The following CCDC102B variants were observed in gnomAD, a reference collection of about 807,000 sequenced individuals.
CCDC102B encodes the protein coiled-coil domain containing 102B.
Under a neutral mutation model 57.4 loss-of-function variants are expected in CCDC102B, and 75 were observed. That is an observed-to-expected ratio of 1.31 (90% CI 1.08 to 1.58). The LOEUF is 1.58. Among genes scored for constraint, CCDC102B ranks in the 40% most tolerant of loss-of-function variants. CCDC102B has a pLI of 0.00. For missense variants in CCDC102B, 636 were observed against 582.6 expected (o/e 1.09, Z -0.94); for synonymous variants, 206 against 201.9 (o/e 1.02, Z -0.17).
intron 6 of CCDC102B, among the ~76,000 whole-genome samples, chr18:68,937,399 A>C (rs1399144142): frequency 6.6e-6 from 1 of 152,084 alleles, no homozygotes; most frequent in Admixed American, 6.6e-5. Context: ...AAACGTGGTC[A>C]TCCATCTGGA....
At chr18:69,015,029 GA>G (rs1019502838) in intron 7 of CCDC102B, among the ~76,000 whole-genome samples, 2 of 151,144 alleles carry the variant, frequency 1.3e-5, no homozygotes, top group Non-Finnish European at 3.0e-5. Flanking sequence ...AAGAGAGAGA[GA>G]AAAAAAATTT....
At chr18:68,894,879 T>C (rs2040192475) in intron 5 of CCDC102B, among the ~76,000 whole-genome samples, 2 of 151,924 alleles carry the variant, frequency 1.3e-5, no homozygotes, top group Non-Finnish European at 2.9e-5. Context: ...GTATTACTTA[T>C]TTAAAACCTT....
intron 2 of CCDC102B, among the ~76,000 whole-genome samples, chr18:68,745,766 C>T (rs2033595832): frequency 6.6e-6 from 1 of 152,162 alleles, no homozygotes; most frequent in Non-Finnish European, 1.5e-5. Context: ...CTAGTAACCA[C>T]GATTTTCCTT....
intron 6 of CCDC102B, among the ~76,000 whole-genome samples, chr18:68,910,523 T>C (rs2030998301): frequency 1.3e-5 from 2 of 152,178 alleles, no homozygotes; most frequent in African/African-American, 4.8e-5. Context: ...GTTTTAATAA[T>C]TGATCACAGA....
chr18:68,945,455 C>T lies in CCDC102B; in HGVS notation c.1263+48027C>T, dbSNP rs988747639. 2.0e-5 allele frequency among the ~76,000 whole-genome samples: 3 copies of T among 152,046 alleles called. 1 individual carries two copies. Among genetic ancestry groups the T allele is most frequent in the South Asian group, 4.1e-4 (2 of 4,832 alleles). ...TTTAAAAATATATCTATATTCTCTA[C>T]GCCTGCCTATGATATAAAAATAGGT... On this transcript the variant is annotated intron_variant, in intron 6 of 7. Coordinates refer to ENST00000360242, the MANE Select transcript of CCDC102B (RefSeq NM_024781.3).
Position 68,836,773 on chromosome 18 carries a change from G to C in CCDC102B, c.10G>C (p.Asp4His). 1 of 1,610,386 alleles carries C rather than the reference G, an allele frequency of 6.2e-7. No individual in the cohort carries two copies. The highest frequency in any genetic ancestry group is 8.5e-7 in the Non-Finnish European group (1 of 1,178,720). Residue 4 changes from aspartate to histidine, a missense_variant, in exon 2 of 8, where the codon GAT (aspartate) becomes CAT (histidine). Asp to His is a moderately conservative substitution (Grantham distance 81). Coordinates refer to ENST00000360242, the MANE Select transcript of CCDC102B (RefSeq NM_024781.3). MNLDSIHRLIEETQ... is the reference protein window; with the variant it reads MNLHSIHRLIEETQ... ...GGTCTTAAAAATAAATATGAATTTA[G>C]ATTCCATACATCGATTAATTGAGGA...
intron 2 of CCDC102B, among the ~76,000 whole-genome samples, chr18:68,729,000 T>C (rs2032735205): frequency 6.6e-6 from 1 of 152,134 alleles, no homozygotes; most frequent in Non-Finnish European, 1.5e-5. Flanking sequence ...TCATGCAAAT[T>C]ATAAGCATTA....
chr18:68,954,160 A>G (rs1397540462), intron 6 of CCDC102B, among the ~76,000 whole-genome samples: 1 of 152,080 alleles, frequency 6.6e-6, no homozygotes, highest in African/African-American at 2.4e-5. Flanking sequence ...GGCTAAGCCT[A>G]TATAATCCTA....
chr18:69,017,809 G>T (rs913260137), intron 7 of CCDC102B, among the ~76,000 whole-genome samples: 12 of 152,034 alleles, frequency 7.9e-5, no homozygotes. Flanking sequence ...CCTGCCCCCT[G>T]CCCCGGGTAA....
At chr18:68,866,868 C>G (rs1268964665) in intron 4 of CCDC102B, 5 of 673,594 alleles carry the variant, frequency 7.4e-6, no homozygotes, top group Non-Finnish European at 1.4e-5. Flanking sequence ...ACCACAGCTA[C>G]ATTGGCACTC....
intron 6 of CCDC102B, among the ~76,000 whole-genome samples, chr18:68,927,554 A>G (rs980467736): frequency 6.6e-6 from 1 of 152,010 alleles, no homozygotes; most frequent in Non-Finnish European, 1.5e-5. Context: ...GAAGACGCCA[A>G]ATAATTCCTA....
chr18:69,056,730 C>T (rs903635295), downstream of CCDC102B, among the ~76,000 whole-genome samples: 29 of 151,782 alleles, frequency 1.9e-4, no homozygotes, highest in African/African-American at 4.1e-4. Flanking sequence ...GACAGACAGA[C>T]GATCAATAGA....
intron 6 of CCDC102B, among the ~76,000 whole-genome samples, chr18:68,904,729 AT>A: frequency 6.6e-6 from 1 of 152,306 alleles, no homozygotes; most frequent in South Asian, 2.1e-4. Context: ...TACCAATCTA[AT>A]TCTAAAATAG....
intron 2 of CCDC102B, among the ~76,000 whole-genome samples, chr18:68,837,972 AAAAAT>A (rs1380706328): frequency 6.6e-5 from 10 of 152,228 alleles, no homozygotes; most frequent in Non-Finnish European, 1.0e-4. Context: ...ATACTACTTA[AAAAAT>A]AAAATAAAAG....
intron 6 of CCDC102B, among the ~76,000 whole-genome samples, chr18:69,003,137 A>T (rs2051250905): frequency 6.6e-6 from 1 of 152,214 alleles, no homozygotes; most frequent in Non-Finnish European, 1.5e-5. Context: ...TTAGGTCTAT[A>T]TAACTCCGGA....
At chr18:68,927,430 T>C (rs1428868968) in intron 6 of CCDC102B, among the ~76,000 whole-genome samples, 1 of 151,946 alleles carries the variant, frequency 6.6e-6, no homozygotes, top group East Asian at 1.9e-4. Context: ...TTCTGTCCCG[T>C]AGAGTGTAGA....
chr18:68,854,352 G>A lies in CCDC102B; in HGVS notation c.936+7931G>A, dbSNP rs150282046. ...CGACCTCAGGTGACCCGCCTGCCTC[G>A]GCCTCCCAAAGGGCAGGGATTACAG... On this transcript the variant is annotated intron_variant, in intron 4 of 7. Coordinates refer to ENST00000360242, the MANE Select transcript of CCDC102B (RefSeq NM_024781.3). Among the ~76,000 whole-genome samples the A allele has an allele frequency of 4.1e-3, 617 of 152,088 alleles. 5 individuals carry two copies. Among genetic ancestry groups the A allele is most frequent in the Non-Finnish European group, 6.4e-3 (432 of 67,984 alleles).
At chr18:68,828,473 A>G (rs2037005111) in intron 1 of CCDC102B, among the ~76,000 whole-genome samples, 1 of 151,766 alleles carries the variant, frequency 6.6e-6, no homozygotes, top group South Asian at 2.1e-4. Context: ...ATTAGACAAC[A>G]CATGTCTAAA....
intron 6 of CCDC102B, among the ~76,000 whole-genome samples, chr18:68,991,381 C>G (rs1290699610): frequency 2.0e-5 from 3 of 152,166 alleles, no homozygotes; most frequent in Admixed American, 6.5e-5. Context: ...TTTCCCTGAA[C>G]ATTTGTAACT....
Sources: gnomAD v4.1 joint callset for allele counts (sites outside exome capture counted in the v4.1 genomes callset) on GRCh38, gnomAD v4.1.1 for gene constraint, MANE v1.5 for transcripts, NCBI Gene and HGNC (gene_info 2026-07-23, HGNC 2026-07-21) for gene names.